GYS2: variants seen among roughly 807,000 people sequenced by gnomAD.
GYS2 encodes glycogen [starch] synthase, liver.
GYS2 carries 80 observed loss-of-function variants against 85.6 expected under a neutral mutation model. The observed-to-expected ratio is 0.93, with a 90% CI of 0.78 to 1.13. The LOEUF is 1.13. GYS2 is among the 50% of genes most tolerant of loss of function. GYS2 has a pLI of 0.00. For synonymous variants in GYS2, 328 were observed against 300.7 expected (o/e 1.09, Z -0.94); for missense variants, 881 against 854.9 (o/e 1.03, Z -0.38).
chr12:21,577,733 G>A (rs1021741055), intron 2 of GYS2, among the ~76,000 whole-genome samples: 2 of 152,156 alleles, frequency 1.3e-5, no homozygotes, highest in Non-Finnish European at 2.9e-5. Flanking sequence ...CTCAAGTGAA[G>A]ACTTTGCATT....
At chr12:21,552,110 C>T (rs918838794) in intron 11 of GYS2, among the ~76,000 whole-genome samples, 1 of 152,098 alleles carries the variant, frequency 6.6e-6, no homozygotes, top group African/African-American at 2.4e-5. Flanking sequence ...TAAATGAGAT[C>T]CTGTACAAAA....
intron 11 of GYS2, among the ~76,000 whole-genome samples, chr12:21,550,172 C>T (rs572327713): frequency 1.2e-4 from 18 of 152,222 alleles, no homozygotes; most frequent in African/African-American, 3.9e-4. Flanking sequence ...TTACCTGTCA[C>T]AGTTCTAAAA....
At chr12:21,598,974 T>G (rs931297751) in intron 1 of GYS2, among the ~76,000 whole-genome samples, 2 of 152,098 alleles carry the variant, frequency 1.3e-5, no homozygotes, top group Non-Finnish European at 2.9e-5. Context: ...TAAGTCGTCA[T>G]CTGGCAACAC....
chr12:21,554,873 C>T (rs80071849), intron 11 of GYS2, among the ~76,000 whole-genome samples: 2,217 of 152,256 alleles, frequency 0.015, 66 homozygotes, highest in African/African-American at 0.051. Context: ...TTTTAAAACA[C>T]GGATCAGCAA....
At chr12:21,552,654 A>G (rs1773560693) in intron 11 of GYS2, among the ~76,000 whole-genome samples, 1 of 152,224 alleles carries the variant, frequency 6.6e-6, no homozygotes, top group African/African-American at 2.4e-5. Flanking sequence ...TATGATAATA[A>G]ATGAGCATCT....
At chr12:21,556,925 T>C (rs897091564) in intron 11 of GYS2, among the ~76,000 whole-genome samples, 2 of 152,088 alleles carry the variant, frequency 1.3e-5, no homozygotes, top group African/African-American at 4.8e-5. Flanking sequence ...TATTTATAGA[T>C]AGCAAGAGAA....
chr12:21,581,823 C>T (rs1326723822), intron 1 of GYS2, among the ~76,000 whole-genome samples: 2 of 152,162 alleles, frequency 1.3e-5, no homozygotes, highest in African/African-American at 4.8e-5. Context: ...AACTAGTCAA[C>T]TTACTTAACA....
At chr12:21,550,634 A>C (rs781363004) in intron 11 of GYS2, among the ~76,000 whole-genome samples, 9 of 152,152 alleles carry the variant, frequency 5.9e-5, no homozygotes, top group African/African-American at 9.7e-5. Context: ...TGGAAGGAAA[A>C]GGAAAGACAA....
chr12:21,576,204 C>CCTG, intron 2 of GYS2, 147 bp from the exon 3 acceptor site: 2 of 686,098 alleles, frequency 2.9e-6, no homozygotes, highest in South Asian at 1.7e-5. Context: ...AACATATAGC[C>CCTG]TCTGCTGTTT....
intron 5 of GYS2, among the ~76,000 whole-genome samples, chr12:21,565,188 A>G (rs1227837448): frequency 6.6e-6 from 1 of 151,836 alleles, no homozygotes; most frequent in Non-Finnish European, 1.5e-5. Flanking sequence ...GCACAGGCCT[A>G]TGTGCAGTCA....
At chr12:21,547,754 T>G (rs1944059027) in intron 11 of GYS2, among the ~76,000 whole-genome samples, 1 of 152,140 alleles carries the variant, frequency 6.6e-6, no homozygotes. Context: ...ATGTAAACTA[T>G]GGATCTTGGG....
chr12:21,534,154 A>T (rs1943889555), downstream of GYS2, among the ~76,000 whole-genome samples: 2 of 152,202 alleles, frequency 1.3e-5, no homozygotes, highest in South Asian at 4.1e-4. Flanking sequence ...TGAAAGCAAC[A>T]CACAGTACAC....
At chr12:21,593,433 A>G (rs985089525) in intron 1 of GYS2, among the ~76,000 whole-genome samples, 2 of 151,850 alleles carry the variant, frequency 1.3e-5, no homozygotes, top group African/African-American at 4.8e-5. Flanking sequence ...AAAAGAAAAT[A>G]TATTACAACC....
chr12:21,586,003 G>T (rs551549643), intron 1 of GYS2, among the ~76,000 whole-genome samples: 97 of 152,166 alleles, frequency 6.4e-4, no homozygotes, highest in Non-Finnish European at 1.1e-3. Flanking sequence ...GACAAGCGAT[G>T]GACTTGTGAT....
chr12:21,572,007 C>CG (rs994213368), intron 4 of GYS2, among the ~76,000 whole-genome samples: 1 of 18,296 alleles, frequency 5.5e-5, no homozygotes, highest in Non-Finnish European at 1.1e-4. Context: ...GGGGGTGGGG[C>CG]GGGGGGCAAA....
chr12:21,556,798 G>T (rs534856997), intron 11 of GYS2, among the ~76,000 whole-genome samples: 13 of 152,254 alleles, frequency 8.5e-5, no homozygotes, highest in African/African-American at 2.4e-4. Flanking sequence ...AGTCACTAAG[G>T]ATGACCTTTT....
At chr12:21,587,590 G>A (rs954448419) in intron 1 of GYS2, among the ~76,000 whole-genome samples, 1 of 152,006 alleles carries the variant, frequency 6.6e-6, no homozygotes, top group South Asian at 2.1e-4. Flanking sequence ...TAAGTTTCCC[G>A]AGGCCTCCCC....
In GYS2 at chr12:21,580,334, T is replaced by G; in HGVS notation, c.303+8A>C. 1 of 1,610,664 alleles carries G rather than the reference T, an allele frequency of 6.2e-7. No individual in the cohort carries two copies. The highest frequency in any genetic ancestry group is 1.1e-5 in the South Asian group (1 of 91,030). ...GAGAATTGCCAAGTGAAGTGTCAGT[T>G]CCTTTACCTGGCAGCCATGCTTATT... On this transcript the variant is annotated splice_region_variant and intron_variant, in intron 2 of 15. Coordinates refer to ENST00000261195, the MANE Select transcript of GYS2 (RefSeq NM_021957.4).
chr12:21,541,842 C>A (rs1191679499), intron 13 of GYS2, among the ~76,000 whole-genome samples: 1 of 151,992 alleles, frequency 6.6e-6, no homozygotes, highest in African/African-American at 2.4e-5. Context: ...AGTCTTTCAA[C>A]CCACGCCCCT....
Sources: gnomAD v4.1 joint callset for allele counts (sites outside exome capture counted in the v4.1 genomes callset) on GRCh38, gnomAD v4.1.1 for gene constraint, MANE v1.5 for transcripts, NCBI Gene and HGNC (gene_info 2026-07-23, HGNC 2026-07-21) for gene names.